Variants in CPNE4 observed in about 807,000 individuals in gnomAD.
The protein encoded by CPNE4 is copine 4, also known as copine-4.
Under a neutral mutation model 67.9 loss-of-function variants are expected in CPNE4, and 25 were observed. The observed-to-expected ratio is 0.37, with a 90% confidence interval of 0.27 to 0.51. The LOEUF is 0.51. Ranked by LOEUF, CPNE4 falls within the 20% of genes least tolerant of loss-of-function variation. The probability of loss-of-function intolerance (pLI) is 0.93; values close to 1 mark genes in which losing one functional copy is unlikely to be tolerated. For missense variants in CPNE4, 464 were observed against 690.8 expected (o/e 0.67, Z 3.68); for synonymous variants, 242 against 244.9 (o/e 0.99, Z 0.11).
intron 5 of CPNE4, among the ~76,000 whole-genome samples, chr3:131,696,000 T>A (rs1284833437): frequency 6.6e-6 from 1 of 152,196 alleles, no homozygotes; most frequent in Non-Finnish European, 1.5e-5. Flanking sequence ...ATGCCTTTTT[T>A]CCAGCACCTC....
At chr3:131,802,318 G>A (rs1344632413) in intron 2 of CPNE4, among the ~76,000 whole-genome samples, 4 of 152,148 alleles carry the variant, frequency 2.6e-5, no homozygotes, top group Non-Finnish European at 5.9e-5. Flanking sequence ...CTTAAAGTCT[G>A]TGGGAAATGT....
chr3:131,851,694 G>A (rs1333892140), intron 2 of CPNE4, among the ~76,000 whole-genome samples: 1 of 152,064 alleles, frequency 6.6e-6, no homozygotes, highest in Non-Finnish European at 1.5e-5. Context: ...AAAGAGGAAG[G>A]CAGAGCAATC....
At chr3:131,955,778 CGGAAGTGGT>C (rs1357001666) in intron 1 of CPNE4, among the ~76,000 whole-genome samples, 3 of 152,070 alleles carry the variant, frequency 2.0e-5, no homozygotes, top group Non-Finnish European at 4.4e-5. Flanking sequence ...TGAACTTGTA[CGGAAGTGGT>C]GGCCAGCACA....
chr3:131,878,925 C>T (rs2087560464), intron 2 of CPNE4, among the ~76,000 whole-genome samples: 1 of 152,236 alleles, frequency 6.6e-6, no homozygotes, highest in Non-Finnish European at 1.5e-5. Context: ...GTCTCACCCT[C>T]ATGACACTTA....
chr3:131,989,561 A>G (rs1210076559), intron 1 of CPNE4, among the ~76,000 whole-genome samples: 1 of 138,682 alleles, frequency 7.2e-6, no homozygotes, highest in East Asian at 2.3e-4. Context: ...GAAAACAGAT[A>G]TGAGAAGAAC....
chr3:131,559,190 G>T (rs1040721587), intron 11 of CPNE4, among the ~76,000 whole-genome samples: 1 of 151,992 alleles, frequency 6.6e-6, no homozygotes, highest in African/African-American at 2.4e-5. Flanking sequence ...GTTCATTGAA[G>T]AAAACGTTTT....
chr3:131,839,155 G>A (rs1257263021), intron 2 of CPNE4, among the ~76,000 whole-genome samples: 1 of 151,802 alleles, frequency 6.6e-6, no homozygotes, highest in African/African-American at 2.4e-5. Flanking sequence ...CAAGAATTGT[G>A]TGCAATGCTG....
chr3:131,842,019 T>C (rs1286386237), intron 2 of CPNE4, among the ~76,000 whole-genome samples: 1 of 152,024 alleles, frequency 6.6e-6, no homozygotes, highest in Non-Finnish European at 1.5e-5. Context: ...TAGGAATAGA[T>C]GGAATAGAAA....
chr3:131,671,766 A>AT (rs1405441269), intron 6 of CPNE4, among the ~76,000 whole-genome samples: 1 of 152,172 alleles, frequency 6.6e-6, no homozygotes, highest in East Asian at 1.9e-4. Context: ...CATCCTTTCA[A>AT]TTTTTTATTT....
intron 1 of CPNE4, among the ~76,000 whole-genome samples, chr3:131,985,408 T>C (rs73208132): frequency 0.19 from 28,833 of 151,922 alleles, 5,167 homozygotes; most frequent in African/African-American, 0.48. Context: ...CTATGCATCA[T>C]GTTAGAAGCT....
intron 2 of CPNE4, among the ~76,000 whole-genome samples, chr3:131,738,637 T>TTTGG (rs990301295): frequency 3.0e-4 from 45 of 152,320 alleles, no homozygotes; most frequent in African/African-American, 1.0e-3. Context: ...GTTTGTTCGT[T>TTTGG]TTTGTTTGTT....
At chr3:131,666,138 T>A (rs1443519610) in intron 7 of CPNE4, among the ~76,000 whole-genome samples, 1 of 152,120 alleles carries the variant, frequency 6.6e-6, no homozygotes, top group Non-Finnish European at 1.5e-5. Flanking sequence ...AAACGTAGCA[T>A]ACAAAATATG....
intron 1 of CPNE4, among the ~76,000 whole-genome samples, chr3:132,028,270 G>T (rs1300911303): frequency 1.3e-5 from 2 of 152,138 alleles, no homozygotes; most frequent in Non-Finnish European, 2.9e-5. Context: ...GACTTGTAAA[G>T]GACCACTTCC....
At chr3:131,727,662 A>G (rs1022506675) in intron 2 of CPNE4, among the ~76,000 whole-genome samples, 3 of 152,170 alleles carry the variant, frequency 2.0e-5, no homozygotes, top group African/African-American at 7.2e-5. Flanking sequence ...GTTTTGACAC[A>G]TATATACTTG....
chr3:131,893,461 A>G (rs1193515229), intron 2 of CPNE4, among the ~76,000 whole-genome samples: 2 of 152,032 alleles, frequency 1.3e-5, no homozygotes, highest in Non-Finnish European at 2.9e-5. Context: ...TCTACTGCAC[A>G]ATAGACCAAA....
At chr3:132,011,278 A>G (rs1378763352) in intron 1 of CPNE4, among the ~76,000 whole-genome samples, 1 of 152,206 alleles carries the variant, frequency 6.6e-6, no homozygotes, top group Non-Finnish European at 1.5e-5. Flanking sequence ...GTTGGCAGAG[A>G]ACTGGGATCA....
intron 2 of CPNE4, among the ~76,000 whole-genome samples, chr3:131,831,114 A>G (rs1202640569): frequency 1.3e-5 from 2 of 152,040 alleles, no homozygotes; most frequent in Non-Finnish European, 2.9e-5. Flanking sequence ...AGTATATAAC[A>G]TTGCTAAAAA....
chr3:131,768,171 A>G (rs1006112638), intron 2 of CPNE4, among the ~76,000 whole-genome samples: 1 of 152,084 alleles, frequency 6.6e-6, no homozygotes, highest in African/African-American at 2.4e-5. Context: ...GTTTTCGGGA[A>G]CATTTGCACC....
rs183809233 is a variant in CPNE4 at position 131,758,974 on chromosome 3, C to T, written c.181-35349G>A. On this transcript the variant is annotated intron_variant, in intron 2 of 15. Transcript: ENST00000429747. ...TCCAATTGAACCTCTTTTTCTTCCC[C>T]GTGTCAGGTATGTATTTATCAGCAG... Among the ~76,000 whole-genome samples the T allele has an allele frequency of 2.9e-3, 442 of 152,224 alleles. 4 individuals carry two copies. The highest frequency in any genetic ancestry group is 1.0e-2 in the African/African-American group (415 of 41,538).
Sources: gnomAD v4.1 joint callset for allele counts (sites outside exome capture counted in the v4.1 genomes callset) on GRCh38, gnomAD v4.1.1 for gene constraint, MANE v1.5 for transcripts, NCBI Gene and HGNC (gene_info 2026-07-23, HGNC 2026-07-21) for gene names.